The following ESRRG variants were observed in gnomAD, a reference collection of about 807,000 sequenced individuals.
The protein encoded by ESRRG is estrogen-related receptor gamma.
A neutral mutation model predicts 44.0 loss-of-function variants in ESRRG; 13 were observed. The ratio of observed to expected loss-of-function variants is 0.30; its 90% CI spans 0.19 to 0.47. The LOEUF is 0.47. ESRRG is among the 20% of genes least tolerant of loss of function. The pLI is 1.00. For missense variants in ESRRG, 395 were observed against 580.6 expected (o/e 0.68, Z 3.29); for synonymous variants, 215 against 214.6 (o/e 1.00, Z -0.02).
chr1:217,017,103 T>C (rs1237120470), intron 1 of ESRRG, among the ~76,000 whole-genome samples: 1 of 152,180 alleles, frequency 6.6e-6, no homozygotes, highest in Non-Finnish European at 1.5e-5. Context: ...AATGCTCTGC[T>C]ATGATATACA....
intron 2 of ESRRG, among the ~76,000 whole-genome samples, chr1:216,920,926 C>T (rs185393276): frequency 3.9e-5 from 6 of 152,170 alleles, no homozygotes; most frequent in Non-Finnish European, 8.8e-5. Context: ...GCAAGGCACA[C>T]GACTCAGAGT....
At chr1:217,059,552 A>C (rs912712329) in intron 1 of ESRRG, among the ~76,000 whole-genome samples, 20 of 152,082 alleles carry the variant, frequency 1.3e-4, no homozygotes, top group Admixed American at 9.2e-4. Context: ...GAGCTATCAA[A>C]GGCTTTTAAG....
intron 6 of ESRRG, among the ~76,000 whole-genome samples, chr1:216,516,520 A>G (rs1042151584): frequency 6.6e-6 from 1 of 152,070 alleles, no homozygotes; most frequent in Admixed American, 6.6e-5. Context: ...ATGGTTTTTA[A>G]TACCTACAGC....
chr1:216,990,295 T>C (rs762151991), intron 1 of ESRRG, among the ~76,000 whole-genome samples: 7 of 152,224 alleles, frequency 4.6e-5, no homozygotes, highest in Non-Finnish European at 8.8e-5. Context: ...ATTGTTAAAG[T>C]TGAATAACAG....
At position 216,899,260 on chromosome 1, in the gene ESRRG, A is replaced by G. The variant is rs542899211; in HGVS notation, c.-14+40322T>C. ...ACTGTCATTAATGGCATAATCTGGG[A>G]CACTTGGAATTTAGTCTTTGAATAA... is the stretch of plus-strand genomic sequence containing the variant. On this transcript the variant is annotated intron_variant, in intron 2 of 7. Transcript: ENST00000359162. Among the ~76,000 whole-genome samples the G allele has an allele frequency of 2.1e-3, 315 of 152,316 alleles. 1 individual carries two copies. Among genetic ancestry groups the G allele is most frequent in the South Asian group, 6.0e-3 (29 of 4,822 alleles).
intron 1 of ESRRG, among the ~76,000 whole-genome samples, chr1:216,973,086 C>G (rs542793230): frequency 6.6e-6 from 1 of 152,294 alleles, no homozygotes; most frequent in South Asian, 2.1e-4. Flanking sequence ...GCAGCAGCCT[C>G]TCAATGAGGC....
At chr1:217,086,689 T>C (rs1323887567) in intron 1 of ESRRG, among the ~76,000 whole-genome samples, 1 of 152,224 alleles carries the variant, frequency 6.6e-6, no homozygotes, top group African/African-American at 2.4e-5. Context: ...AGTGTTTTTC[T>C]TCATTAATGT....
At chr1:216,737,056 A>C (rs2090044621) in intron 2 of ESRRG, among the ~76,000 whole-genome samples, 1 of 152,180 alleles carries the variant, frequency 6.6e-6, no homozygotes, top group African/African-American at 2.4e-5. Context: ...TGCAACAAGA[A>C]ATACCAAATA....
rs74606257 is a variant in ESRRG, at chr1:216,789,595, A to G, written c.-13-112104T>C. On this transcript the variant is annotated intron_variant, in intron 2 of 7. Transcript: ENST00000359162. ...CTTGATTGACGTGGTCTGGAACAGA[A>G]CTAGCACTATCTCCGAGGTATGCCT... is the stretch of plus-strand genomic sequence containing the variant. 1.9e-3 allele frequency among the ~76,000 whole-genome samples: 294 copies of G among 152,294 alleles called. 2 individuals are homozygous for G. The highest frequency in any genetic ancestry group is 6.3e-3 in the African/African-American group (263 of 41,584).
At chr1:216,520,139 T>C (rs1026425063) in intron 5 of ESRRG, among the ~76,000 whole-genome samples, 9 of 152,134 alleles carry the variant, frequency 5.9e-5, no homozygotes, top group Non-Finnish European at 1.3e-4. Flanking sequence ...AAAAGTTAAA[T>C]ATAAATAAAG....
chr1:217,091,713 G>A (rs1558251971), upstream of ESRRG, among the ~76,000 whole-genome samples: 1 of 152,174 alleles, frequency 6.6e-6, no homozygotes, highest in Non-Finnish European at 1.5e-5. Flanking sequence ...CTTGTCGGGT[G>A]CTTAGATGTT....
chr1:216,610,557 T>C (rs1258952879), intron 3 of ESRRG, among the ~76,000 whole-genome samples: 1 of 152,158 alleles, frequency 6.6e-6, no homozygotes, highest in East Asian at 1.9e-4. Flanking sequence ...AAGCACTTAA[T>C]TTGATATTCC....
intron 2 of ESRRG, among the ~76,000 whole-genome samples, chr1:216,913,769 T>C (rs1455383745): frequency 6.6e-6 from 1 of 152,218 alleles, no homozygotes; most frequent in Non-Finnish European, 1.5e-5. Flanking sequence ...TGTATAAAAC[T>C]CTATATGCTG....
At chr1:217,122,849 C>CT (rs201405969) in intron 1 of ESRRG, among the ~76,000 whole-genome samples, 4,887 of 150,444 alleles carry the variant, frequency 0.032, 95 homozygotes, top group African/African-American at 0.045. Flanking sequence ...TTTCTTTTTT[C>CT]TTTTTTTTTA....
At chr1:216,535,949 T>C (rs188641401) in intron 5 of ESRRG, among the ~76,000 whole-genome samples, 2 of 152,208 alleles carry the variant, frequency 1.3e-5, no homozygotes, top group East Asian at 3.9e-4. Flanking sequence ...CTCAGCTCTA[T>C]CATACTGTAA....
At chr1:217,028,172 G>C (rs985025387) in intron 1 of ESRRG, among the ~76,000 whole-genome samples, 1 of 152,086 alleles carries the variant, frequency 6.6e-6, no homozygotes, top group Admixed American at 6.5e-5. Context: ...AGGGATATCG[G>C]TCTTACAGAA....
chr1:217,061,455 AT>A, intron 1 of ESRRG, among the ~76,000 whole-genome samples: 2 of 152,284 alleles, frequency 1.3e-5, no homozygotes, highest in South Asian at 4.1e-4. Flanking sequence ...CACGCTTCCA[AT>A]TCAAAGGATA....
rs114936139 is a variant in ESRRG, at chr1:217,108,645, C to G, written c.-230+29022G>C. Among the ~76,000 whole-genome samples, 915 of 151,932 alleles carry G rather than the reference C, an allele frequency of 6.0e-3. 7 individuals are homozygous for G. The highest frequency in any genetic ancestry group is 0.021 in the African/African-American group (876 of 41,418). On this transcript the variant is annotated intron_variant, in intron 1 of 8. Transcript: ENST00000366940. ...CGTTTAAAAGTGTGTGGCGCCTTCC[C>G]TCCCTCCCTCTCCCTCTCTCTTGCT...
chr1:217,075,086 T>C (rs1233288198), intron 1 of ESRRG, among the ~76,000 whole-genome samples: 1 of 152,192 alleles, frequency 6.6e-6, no homozygotes, highest in East Asian at 1.9e-4. Flanking sequence ...GTCAGCCCTC[T>C]GGACATGGGT....
Sources: allele counts gnomAD v4.1 joint callset (sites outside exome capture counted in the v4.1 genomes callset), GRCh38; gene constraint gnomAD v4.1.1; transcripts MANE v1.5; gene names NCBI Gene and HGNC (gene_info 2026-07-23, HGNC 2026-07-21).